The following SH2D6 variants were observed in gnomAD, a reference collection of about 807,000 sequenced individuals.
The protein encoded by SH2D6 is SH2 domain containing 6.
In SH2D6, 31 loss-of-function variants were observed where a neutral mutation model predicts 30.2. The ratio of observed to expected loss-of-function variants is 1.03; its 90% CI spans 0.77 to 1.38. SH2D6 has a LOEUF of 1.38. Ranked by LOEUF, SH2D6 falls within the 40% of genes most tolerant of loss-of-function variation. The pLI is 0.00. For missense variants in SH2D6, 240 were observed against 266.8 expected (o/e 0.90, Z 0.70); for synonymous variants, 93 against 104.6 (o/e 0.89, Z 0.68).
intron 5 of SH2D6, among the ~76,000 whole-genome samples, 191 bp from the exon 6 acceptor site, chr2:85,425,117 C>A (rs555133229): frequency 6.6e-6 from 1 of 152,194 alleles, no homozygotes; most frequent in South Asian, 2.1e-4. Context: ...AAGTATAACG[C>A]CGTAACACTA....
chr2:85,431,351 A>G (rs1688623876), intron 13 of SH2D6, 83 bp downstream of exon 13: 1 of 144,508 alleles, frequency 6.9e-6, no homozygotes, highest in Admixed American at 6.8e-5. Flanking sequence ...TCTTAGAGGC[A>G]TCTCATTTGC....
Position 85,434,387 on chromosome 2 carries a change from CA to C in SH2D6, c.564+18del. ...ACTCGGAATGTAAGAGGCTGATGGTCAGGGGAGAAGAGAGGGAGGCAGGGAG... is the reference window on the plus strand; with the variant it reads ...ACTCGGAATGTAAGAGGCTGATGGTCGGGGAGAAGAGAGGGAGGCAGGGAG... On this transcript the variant is annotated intron_variant, in intron 18 of 23. Coordinates refer to ENST00000469800, the MANE Select transcript of SH2D6 (RefSeq NM_001394463.1). The C allele has an allele frequency of 6.5e-7, 1 of 1,550,320 alleles. No individual in the cohort carries two copies. Among genetic ancestry groups the C allele is most frequent in the East Asian group, 2.4e-5 (1 of 40,906 alleles).
intron 6 of SH2D6, among the ~76,000 whole-genome samples, 156 bp downstream of exon 6, chr2:85,425,563 C>T (rs1197722357): frequency 1.3e-5 from 2 of 152,082 alleles, no homozygotes; most frequent in Non-Finnish European, 2.9e-5. Flanking sequence ...CCACCACGCC[C>T]GGCCGGATTA....
At chr2:85,426,447 T>G (rs896168960) in intron 6 of SH2D6, among the ~76,000 whole-genome samples, 2 of 152,142 alleles carry the variant, frequency 1.3e-5, no homozygotes, top group Admixed American at 6.6e-5. Context: ...AAGGCCGTAC[T>G]CTAATCTTCC....
intron 14 of SH2D6, among the ~76,000 whole-genome samples, chr2:85,432,218 CTT>C (rs34171730): frequency 4.2e-4 from 57 of 136,516 alleles, no homozygotes; most frequent in Non-Finnish European, 4.4e-4. Flanking sequence ...AGAGTCTGCT[CTT>C]TTTTTTTTTT....
chr2:85,432,279 G>A (rs941024041), intron 14 of SH2D6, among the ~76,000 whole-genome samples: 8 of 146,574 alleles, frequency 5.5e-5, no homozygotes, highest in African/African-American at 1.8e-4. Flanking sequence ...TCGGAGTCTC[G>A]CTCTGTTACC....
chr2:85,436,716 G>T, intron 23 of SH2D6, 121 bp from the exon 24 acceptor site: 1 of 750,580 alleles, frequency 1.3e-6, no homozygotes, highest in Non-Finnish European at 2.3e-6. Flanking sequence ...AGCATTAATG[G>T]GGAAAGCCTG....
intron 6 of SH2D6, among the ~76,000 whole-genome samples, chr2:85,427,518 A>G (rs562788419): frequency 6.6e-6 from 1 of 152,212 alleles, no homozygotes; most frequent in Admixed American, 6.5e-5. Flanking sequence ...GCATTTGCCT[A>G]TGCAAAGCCC....
At chr2:85,431,109 A>G (rs11674612) in intron 12 of SH2D6, 101 bp from the exon 13 acceptor site, 50,976 of 152,316 alleles carry the variant, frequency 0.33, 8,903 homozygotes, top group African/African-American at 0.39. Context: ...GGGAGCGAGG[A>G]AAGGAGGAGG....
At chr2:85,432,538 C>CTG (rs1448470492) in intron 14 of SH2D6, among the ~76,000 whole-genome samples, 1 of 151,738 alleles carries the variant, frequency 6.6e-6, no homozygotes, top group East Asian at 1.9e-4. Flanking sequence ...GTAGCTGGGA[C>CTG]TACAGGCGCC....
At chr2:85,432,087 GC>G (rs1172165483) in intron 14 of SH2D6, 128 bp downstream of exon 14, 1 of 152,524 alleles carries the variant, frequency 6.6e-6, no homozygotes, top group Admixed American at 6.5e-5. Flanking sequence ...CCCTGGCTGT[GC>G]CCCTTTTTAA....
chr2:85,421,355 C>G (rs560426911), intron 2 of SH2D6: 2 of 152,174 alleles, frequency 1.3e-5, no homozygotes, highest in Non-Finnish European at 2.9e-5. Context: ...GATAAACAGC[C>G]GGGACCTCGG....
intron 23 of SH2D6, 74 bp downstream of exon 23, chr2:85,436,668 A>C: frequency 3.0e-6 from 3 of 1,015,900 alleles, no homozygotes; most frequent in Non-Finnish European, 3.1e-6. Context: ...CTCCTTCCCC[A>C]CCCCTCCTCA....
At chr2:85,433,768 A>G in intron 16 of SH2D6, 137 bp downstream of exon 16, 1 of 693,044 alleles carries the variant, frequency 1.4e-6, no homozygotes, top group Non-Finnish European at 2.1e-6. Flanking sequence ...GCCTTCAGTC[A>G]CCGCATGGAC....
intron 6 of SH2D6, among the ~76,000 whole-genome samples, chr2:85,427,272 TC>T (rs1287665747): frequency 1.3e-5 from 2 of 152,214 alleles, no homozygotes; most frequent in African/African-American, 4.8e-5. Flanking sequence ...AATGTGAGTT[TC>T]TAGTAAGTCC....
intron 16 of SH2D6, 51 bp downstream of exon 16, chr2:85,433,682 C>G: frequency 9.6e-7 from 1 of 1,047,030 alleles, no homozygotes. Context: ...CCCTCAGCTG[C>G]TCACAGCACA....
chr2:85,435,063 A>G lies in SH2D6; in HGVS notation c.590-2A>G. 1 of 1,420,496 alleles carries G rather than the reference A, an allele frequency of 7.0e-7. No individual in the cohort carries two copies. 88.0% of individuals were successfully genotyped at this position (1,420,496 alleles called of 1,614,324 possible). ...CCCAGCTCAATAATCTGCTTCTTCT[A>G]GAAGGAAGGAAATCGTCTCTTCCCT... On this transcript the variant is annotated splice_acceptor_variant, in intron 19 of 23. Coordinates refer to ENST00000469800, the MANE Select transcript of SH2D6 (RefSeq NM_001394463.1). LOFTEE classifies it high-confidence loss of function.
chr2:85,431,034 G>C (rs2104913829), intron 12 of SH2D6, among the ~76,000 whole-genome samples, 176 bp from the exon 13 acceptor site: 1 of 152,278 alleles, frequency 6.6e-6, no homozygotes, highest in African/African-American at 2.4e-5. Flanking sequence ...GGCCAGGTTG[G>C]GGCAGGGAAA....
intron 6 of SH2D6, among the ~76,000 whole-genome samples, chr2:85,427,486 C>G (rs1688146708): frequency 6.6e-6 from 1 of 152,158 alleles, no homozygotes; most frequent in African/African-American, 2.4e-5. Context: ...TGCCTGGGGC[C>G]CTTTCACTCA....
Sources: gnomAD v4.1 joint callset for allele counts (sites outside exome capture counted in the v4.1 genomes callset) on GRCh38, gnomAD v4.1.1 for gene constraint, MANE v1.5 for transcripts, NCBI Gene and HGNC (gene_info 2026-07-23, HGNC 2026-07-21) for gene names.